PDE10A: variants seen among roughly 807,000 people sequenced by gnomAD.
PDE10A encodes cAMP and cAMP-inhibited cGMP 3',5'-cyclic phosphodiesterase 10A.
A neutral mutation model predicts 97.7 loss-of-function variants in PDE10A; 39 were observed. The observed-to-expected ratio is 0.40, with a 90% CI of 0.31 to 0.52. The LOEUF (loss-of-function observed/expected upper bound fraction) is 0.52. Ranked by LOEUF, PDE10A falls within the 20% of genes least tolerant of loss-of-function variation. PDE10A has a pLI of 0.56. For missense variants in PDE10A, 731 were observed against 1,047.8 expected, an observed-to-expected ratio of 0.70 and a Z score of 4.17; for synonymous variants, 371 against 376.8, an observed-to-expected ratio of 0.98 and a Z score of 0.18.
chr6:165,662,138 G>A lies in PDE10A; in HGVS notation c.674C>T (p.Ala225Val). ...GAAGCCGGGGGAGCCCGCGCGGCGG[G>A]CGGCCTGGCCAAGGGGGAGCCGGGG... is the stretch of plus-strand genomic sequence containing the variant. ...PPPRLPLGQAARRAGSPGFPG... is the reference protein window; with the variant it reads ...PPPRLPLGQAVRRAGSPGFPG... Residue 225 changes from alanine to valine, a missense_variant, in exon 1 of 22, where the codon GCC becomes GTC. Around this residue, in one of 8 missense-constraint regions of PDE10A, gnomAD observed 181 missense variants for 159.1 expected, o/e 1.14. Transcript: ENST00000539869. 1 of 757,748 alleles carries A rather than the reference G, an allele frequency of 1.3e-6. No individual in the cohort carries two copies. Among genetic ancestry groups the A allele is most frequent in the Non-Finnish European group, 1.6e-6 (1 of 620,250 alleles). 46.9% of individuals were successfully genotyped at this position (757,748 alleles called of 1,614,324 possible). A position where few individuals can be genotyped will look rare whatever the true frequency, so the allele number is the denominator to read the frequency against.
chr6:165,868,653 T>A (rs535367356), intron 1 of PDE10A, among the ~76,000 whole-genome samples: 142 of 152,144 alleles, frequency 9.3e-4, no homozygotes, highest in African/African-American at 3.1e-3. Context: ...TCTTCCTAAA[T>A]CATTCCATGA....
At chr6:165,794,211 C>T (rs1583100031) in intron 1 of PDE10A, among the ~76,000 whole-genome samples, 1 of 151,270 alleles carries the variant, frequency 6.6e-6, no homozygotes, top group East Asian at 2.0e-4. Context: ...CACACACACT[C>T]ATCACACAAT....
intron 1 of PDE10A, among the ~76,000 whole-genome samples, chr6:165,638,485 T>C (rs780875652): frequency 2.6e-5 from 4 of 152,210 alleles, no homozygotes; most frequent in Non-Finnish European, 5.9e-5. Context: ...TGCCATTGTG[T>C]TGTGTTCTGA....
At chr6:165,743,954 G>A (rs1792787282) in intron 1 of PDE10A, among the ~76,000 whole-genome samples, 1 of 152,216 alleles carries the variant, frequency 6.6e-6, no homozygotes, top group African/African-American at 2.4e-5. Flanking sequence ...TCCGCACACA[G>A]GCCAGCGGAT....
intron 1 of PDE10A, among the ~76,000 whole-genome samples, chr6:165,737,489 T>A (rs987580872): frequency 6.6e-6 from 1 of 152,162 alleles, no homozygotes; most frequent in African/African-American, 2.4e-5. Flanking sequence ...TTCCAAGGAA[T>A]TCAACATGTG....
At chr6:165,803,664 C>G (rs1779041580) in intron 1 of PDE10A, among the ~76,000 whole-genome samples, 1 of 152,160 alleles carries the variant, frequency 6.6e-6, no homozygotes. Flanking sequence ...TGAGACAGTT[C>G]CTATAGTGAA....
Position 165,854,303 on chromosome 6 carries a change from G to T in PDE10A, c.-615+133226C>A, listed in dbSNP as rs997309714. ...TGACGGAGGAGAAAGGGGCCCGCAG[G>T]AGGCAGGAGGGAGCGCCTGGCACAG... On this transcript the variant is annotated intron_variant, in intron 1 of 19. Transcript: ENST00000366882. 2.0e-5 allele frequency among the ~76,000 whole-genome samples: 3 copies of T among 152,188 alleles called. No homozygotes were observed. The South Asian group carries it at 6.2e-4, about 31-fold the overall frequency.
At chr6:165,606,481 C>T (rs919806606) in intron 1 of PDE10A, among the ~76,000 whole-genome samples, 4 of 152,098 alleles carry the variant, frequency 2.6e-5, no homozygotes, top group East Asian at 1.9e-4. Flanking sequence ...GGGATGGGAG[C>T]GTGGGAAAGT....
intron 1 of PDE10A, among the ~76,000 whole-genome samples, chr6:165,632,736 G>A (rs961752754): frequency 6.6e-6 from 1 of 152,198 alleles, no homozygotes; most frequent in African/African-American, 2.4e-5. Context: ...GATCACAACA[G>A]ACCAGTCGAA....
At chr6:165,794,215 A>T (rs916107296) in intron 1 of PDE10A, among the ~76,000 whole-genome samples, 61 of 149,626 alleles carry the variant, frequency 4.1e-4, no homozygotes, top group African/African-American at 1.5e-3. Context: ...CACACTCATC[A>T]CACAATCATA....
chr6:165,901,668 G>A (rs1340257306), intron 1 of PDE10A, among the ~76,000 whole-genome samples: 1 of 152,206 alleles, frequency 6.6e-6, no homozygotes, highest in Non-Finnish European at 1.5e-5. Flanking sequence ...CACGCATGGT[G>A]GCACATGCCT....
chr6:165,799,623 C>T (rs1733965363), intron 1 of PDE10A, among the ~76,000 whole-genome samples: 2 of 152,168 alleles, frequency 1.3e-5, no homozygotes, highest in Admixed American at 6.5e-5. Flanking sequence ...CTTCTATGTG[C>T]ACAGTATCAC....
At chr6:165,519,818 C>T (rs1782027769) in intron 2 of PDE10A, among the ~76,000 whole-genome samples, 1 of 152,016 alleles carries the variant, frequency 6.6e-6, no homozygotes, top group Non-Finnish European at 1.5e-5. Context: ...TTATGTGGCT[C>T]GATTTTTTCT....
intron 1 of PDE10A, among the ~76,000 whole-genome samples, chr6:165,743,909 C>T (rs1792785961): frequency 6.6e-6 from 1 of 152,162 alleles, no homozygotes; most frequent in Non-Finnish European, 1.5e-5. Context: ...ATGTAGGACA[C>T]GGACAGATGG....
At chr6:165,345,795 C>T (rs1782266531) in intron 18 of PDE10A, among the ~76,000 whole-genome samples, 1 of 152,172 alleles carries the variant, frequency 6.6e-6, no homozygotes, top group African/African-American at 2.4e-5. Context: ...ACCCTTTTCT[C>T]AGAGTAATAA....
At chr6:165,667,918 G>A (rs1344126771), upstream of PDE10A, among the ~76,000 whole-genome samples, 1 of 152,114 alleles carries the variant, frequency 6.6e-6, no homozygotes, top group African/African-American at 2.4e-5. Flanking sequence ...TTTCAAAGAT[G>A]TTGCCATTAA....
At chr6:165,878,731 T>C (rs996602016) in intron 1 of PDE10A, among the ~76,000 whole-genome samples, 6 of 152,158 alleles carry the variant, frequency 3.9e-5, no homozygotes, top group Non-Finnish European at 8.8e-5. Context: ...TGATCCTGAA[T>C]TATCCAGGTG....
Position 165,662,680 on chromosome 6 carries a change from C to T in PDE10A, c.132G>A (p.Ala44=), listed in dbSNP as rs917706677. ...ACTCGGGGGCCGGGCCCGGGCCCGC[C>T]GCGCTCCCCCCGCCGGCCGCGCTGA... ...PRLSAAGGGS[A]AGPGPAPEWP... is the part of the protein sequence containing the mutation. Residue 44 remains alanine, a synonymous_variant, in exon 1 of 22, where the codon GCG becomes GCA. Transcript: ENST00000539869. 3 of 144,486 alleles carry T rather than the reference C, an allele frequency of 2.1e-5. No homozygotes were observed. Among genetic ancestry groups the T allele is most frequent in the Non-Finnish European group, 4.6e-5 (3 of 65,108 alleles). The allele number at this position is 144,486 out of a possible 1,614,324, so 9.0% of individuals were successfully genotyped here.
chr6:165,353,240 G>A (rs1782812798), intron 18 of PDE10A, among the ~76,000 whole-genome samples: 1 of 152,150 alleles, frequency 6.6e-6, no homozygotes, highest in South Asian at 2.1e-4. Context: ...TGGTGGGAAT[G>A]CAAAAAGGTA....
Sources: allele counts gnomAD v4.1 joint callset (sites outside exome capture counted in the v4.1 genomes callset), GRCh38; gene constraint gnomAD v4.1.1; regional missense constraint gnomAD v4.1.1; transcripts MANE v1.5; gene names NCBI Gene and HGNC (gene_info 2026-07-23, HGNC 2026-07-21).